The following RBFOX1 variants were observed in gnomAD, a reference collection of about 807,000 sequenced individuals.
The protein encoded by RBFOX1 is RNA binding protein fox-1 homolog 1.
Under a neutral mutation model 57.7 loss-of-function variants are expected in RBFOX1, and 8 were observed. That is an observed-to-expected ratio of 0.14 (90% CI 0.08 to 0.25). The LOEUF (loss-of-function observed/expected upper bound fraction) is 0.25. RBFOX1 is among the 10% of genes least tolerant of loss of function. The pLI, the probability that RBFOX1 is intolerant of heterozygous loss-of-function variation, is 1.00. For missense variants in RBFOX1, 611 were observed against 548.5 expected, an observed-to-expected ratio of 1.11 and a Z score of -1.14; for synonymous variants, 326 against 222.4, an observed-to-expected ratio of 1.47 and a Z score of -4.15.
At chr16:7,279,008 T>G (rs898930993) in intron 4 of RBFOX1, among the ~76,000 whole-genome samples, 23 of 152,300 alleles carry the variant, frequency 1.5e-4, no homozygotes, top group Admixed American at 3.9e-4. Flanking sequence ...GAGCTGGATT[T>G]TAAAATCTAA....
At chr16:5,344,582 C>A (rs571123937) in intron 1 of RBFOX1, among the ~76,000 whole-genome samples, 9 of 152,240 alleles carry the variant, frequency 5.9e-5, no homozygotes, top group African/African-American at 2.2e-4. Context: ...AGGCCATTTT[C>A]CTTCTTGGGA....
chr16:6,557,753 TG>T (rs2097125450), intron 2 of RBFOX1, among the ~76,000 whole-genome samples: 1 of 152,234 alleles, frequency 6.6e-6, no homozygotes. Flanking sequence ...ATTGATTTGC[TG>T]TGAAAAATTT....
intron 4 of RBFOX1, among the ~76,000 whole-genome samples, chr16:7,411,651 C>G (rs932960951): frequency 1.3e-5 from 2 of 152,120 alleles, no homozygotes; most frequent in African/African-American, 4.8e-5. Flanking sequence ...CACCTGTAAT[C>G]CCAGCACTTT....
At chr16:6,863,989 C>CTTTT (rs58541296) in intron 3 of RBFOX1, among the ~76,000 whole-genome samples, 3 of 125,328 alleles carry the variant, frequency 2.4e-5, no homozygotes, top group Non-Finnish European at 3.4e-5. Flanking sequence ...CTTTATGTTC[C>CTTTT]TTTTTTTTTT....
chr16:5,361,623 T>C (rs773081936), intron 1 of RBFOX1, among the ~76,000 whole-genome samples: 16 of 152,208 alleles, frequency 1.1e-4, no homozygotes, highest in Non-Finnish European at 1.3e-4. Flanking sequence ...CCTTGTGTGA[T>C]TGCAAACGTT....
At chr16:7,232,805 G>C (rs962936859) in intron 4 of RBFOX1, among the ~76,000 whole-genome samples, 1 of 147,302 alleles carries the variant, frequency 6.8e-6, no homozygotes, top group Non-Finnish European at 1.5e-5. Context: ...CACGCCATTG[G>C]TCATTACACT....
At chr16:6,650,456 C>T (rs146264542) in intron 2 of RBFOX1, among the ~76,000 whole-genome samples, 2,065 of 152,190 alleles carry the variant, frequency 0.014, 19 homozygotes, top group Non-Finnish European at 0.02. Flanking sequence ...TTTAAGCTCC[C>T]TCATTGTGTG....
chr16:6,594,404 C>G (rs2097756659), intron 2 of RBFOX1, among the ~76,000 whole-genome samples: 1 of 152,096 alleles, frequency 6.6e-6, no homozygotes, highest in African/African-American at 2.4e-5. Flanking sequence ...GGCTGACTTT[C>G]AATTTTAGGT....
At chr16:5,660,182 A>T (rs1292264793) in intron 3 of RBFOX1, among the ~76,000 whole-genome samples, 1 of 152,170 alleles carries the variant, frequency 6.6e-6, no homozygotes, top group Non-Finnish European at 1.5e-5. Context: ...TGTGGAGGTC[A>T]GGGAAATGAT....
chr16:6,192,561 G>T (rs187244724), intron 1 of RBFOX1, among the ~76,000 whole-genome samples: 2 of 152,124 alleles, frequency 1.3e-5, no homozygotes, highest in African/African-American at 2.4e-5. Context: ...AATAAGGATG[G>T]TCACTAAGCA....
At chr16:6,901,251 A>G (rs557507215) in intron 3 of RBFOX1, among the ~76,000 whole-genome samples, 1 of 152,334 alleles carries the variant, frequency 6.6e-6, no homozygotes, top group East Asian at 1.9e-4. Flanking sequence ...TCCAGTGAGG[A>G]CAGAATTGCT....
intron 3 of RBFOX1, among the ~76,000 whole-genome samples, chr16:6,719,115 C>T (rs997607667): frequency 1.5e-4 from 23 of 152,192 alleles, no homozygotes; most frequent in African/African-American, 5.3e-4. Flanking sequence ...GATTTACTTG[C>T]CTTGATCTCC....
intron 3 of RBFOX1, among the ~76,000 whole-genome samples, chr16:5,670,877 C>G (rs2049994839): frequency 6.6e-6 from 1 of 152,162 alleles, no homozygotes; most frequent in Non-Finnish European, 1.5e-5. Context: ...TTGTCTCACT[C>G]CAGCCCTGAA....
intron 4 of RBFOX1, among the ~76,000 whole-genome samples, chr16:7,459,316 G>A: frequency 6.6e-6 from 1 of 152,204 alleles, no homozygotes; most frequent in East Asian, 1.9e-4. Flanking sequence ...AAAGTCCAGA[G>A]ATCCTTTTAA....
intron 2 of RBFOX1, among the ~76,000 whole-genome samples, chr16:6,470,251 A>G (rs2095143572): frequency 6.6e-6 from 1 of 152,210 alleles, no homozygotes; most frequent in South Asian, 2.1e-4. Context: ...GAGTAGGTTT[A>G]ACAAGTAACA....
At chr16:6,497,980 G>A (rs2153165540) in intron 2 of RBFOX1, among the ~76,000 whole-genome samples, 1 of 152,208 alleles carries the variant, frequency 6.6e-6, no homozygotes, top group South Asian at 2.1e-4. Context: ...CAGGCACAGT[G>A]GTTCATGCCT....
chr16:6,156,652 G>A (rs901840453), intron 1 of RBFOX1, among the ~76,000 whole-genome samples: 8 of 152,086 alleles, frequency 5.3e-5, no homozygotes, highest in African/African-American at 1.7e-4. Context: ...GATCCAAGAG[G>A]ACTTCCCTCC....
rs2051667568 is a variant in RBFOX1, at chr16:5,715,616, A to G, written c.318+116655A>G. On this transcript the variant is annotated intron_variant, in intron 3 of 19. Coordinates refer to the RBFOX1 transcript ENST00000641259. ...AAATGTGACCTTTCTTGTTTTCTGC[A>G]AAAATAATCTCCGTGCTGTCTCTTC... Among the ~76,000 whole-genome samples, 5 of 152,330 alleles carry G rather than the reference A, an allele frequency of 3.3e-5. No individual in the cohort carries two copies. The South Asian group carries it at 1.0e-3, about 32-fold the overall frequency.
intron 4 of RBFOX1, among the ~76,000 whole-genome samples, chr16:7,245,711 G>T (rs886566720): frequency 1.3e-5 from 2 of 152,138 alleles, no homozygotes; most frequent in South Asian, 4.1e-4. Flanking sequence ...GCTCACTTAA[G>T]GATACTTAGC....
Sources: gnomAD v4.1 joint callset for allele counts (sites outside exome capture counted in the v4.1 genomes callset) on GRCh38, gnomAD v4.1.1 for gene constraint, MANE v1.5 for transcripts, NCBI Gene and HGNC (gene_info 2026-07-23, HGNC 2026-07-21) for gene names.